Variants in TAF2 observed in about 807,000 individuals in gnomAD.
TAF2 encodes TATA-box binding protein associated factor 2, also known as transcription initiation factor TFIID subunit 2.
A neutral mutation model predicts 138.5 loss-of-function variants in TAF2; 61 were observed. The observed-to-expected ratio is 0.44, with a 90% confidence interval of 0.36 to 0.54. The LOEUF (loss-of-function observed/expected upper bound fraction) is 0.54. Ranked by LOEUF, TAF2 falls within the 20% of genes least tolerant of loss-of-function variation. The pLI is 0.00. For synonymous variants in TAF2, 475 were observed against 469.9 expected (o/e 1.01, Z -0.14); for missense variants, 1,090 against 1,427.9 (o/e 0.76, Z 3.81).
chr8:119,832,352 C>A, intron 1 of TAF2, 130 bp downstream of exon 1: 1 of 806,328 alleles, frequency 1.2e-6, no homozygotes. Context: ...AACACCATTT[C>A]CATCACAGTG....
intron 2 of TAF2, among the ~76,000 whole-genome samples, chr8:119,827,638 A>G (rs1826185334): frequency 6.6e-6 from 1 of 152,186 alleles, no homozygotes; most frequent in Admixed American, 6.5e-5. Context: ...TAATTAGTAG[A>G]CAATGTATCT....
chr8:119,830,340 G>A (rs1826367324), intron 2 of TAF2, among the ~76,000 whole-genome samples: 1 of 152,052 alleles, frequency 6.6e-6, no homozygotes, highest in Non-Finnish European at 1.5e-5. Flanking sequence ...ATATATTAAT[G>A]GCTAAATATA....
intron 25 of TAF2, among the ~76,000 whole-genome samples, chr8:119,738,663 G>C (rs1299979436): frequency 6.6e-6 from 1 of 152,060 alleles, no homozygotes; most frequent in Admixed American, 6.5e-5. Flanking sequence ...CATGGATAAG[G>C]GTTACCTGCA....
intron 18 of TAF2, among the ~76,000 whole-genome samples, chr8:119,769,904 C>G (rs951502279): frequency 6.6e-6 from 1 of 151,870 alleles, no homozygotes; most frequent in African/African-American, 2.4e-5. Context: ...ACTACAGGCA[C>G]GTGCCACCAT....
chr8:119,739,100 T>C (rs1031217650), intron 25 of TAF2, among the ~76,000 whole-genome samples: 3 of 150,776 alleles, frequency 2.0e-5, no homozygotes, highest in African/African-American at 7.3e-5. Flanking sequence ...ACTGCAGCCC[T>C]AGCTAGGCAG....
At chr8:119,783,763 T>G (rs1563872709) in intron 15 of TAF2, 130 bp from the exon 16 acceptor site, 1 of 1,119,028 alleles carries the variant, frequency 8.9e-7, no homozygotes, top group South Asian at 1.6e-5. Flanking sequence ...GCCTGGAGTT[T>G]TACTGTATTC....
At chr8:119,766,157 T>A (rs1194604875) in intron 18 of TAF2, among the ~76,000 whole-genome samples, 1 of 152,248 alleles carries the variant, frequency 6.6e-6, no homozygotes, top group Non-Finnish European at 1.5e-5. Flanking sequence ...CTTAGCGATT[T>A]AGGAATCTAT....
intron 6 of TAF2, among the ~76,000 whole-genome samples, chr8:119,800,466 T>C (rs1824178154): frequency 6.6e-6 from 1 of 152,208 alleles, no homozygotes; most frequent in South Asian, 2.1e-4. Flanking sequence ...ATGTGTGGTA[T>C]TATTTCTGAG....
rs144884113 is a variant in TAF2 at position 119,781,322 on chromosome 8, T to G, written c.2113-129A>C. 3,203 of 1,067,928 alleles carry G rather than the reference T, an allele frequency of 3.0e-3. 57 individuals are homozygous for G. The Admixed American group carries it at 0.035, about 12-fold the overall frequency. 66.2% of individuals were successfully genotyped at this position (1,067,928 alleles called of 1,614,324 possible). On this transcript the variant is annotated intron_variant, in intron 16 of 25. Transcript: ENST00000378164. ...TTCAACAACTTCACTTCTCAGAAAT[T>G]TATAACAATTTAGCATTTTATCACC...
intron 25 of TAF2, among the ~76,000 whole-genome samples, chr8:119,733,308 A>T (rs1449193730): frequency 6.6e-6 from 1 of 152,218 alleles, no homozygotes; most frequent in African/African-American, 2.4e-5. Flanking sequence ...CAGAATGCAC[A>T]GCTTAAGAAA....
At chr8:119,777,641 C>A (rs1333355858) in intron 18 of TAF2, among the ~76,000 whole-genome samples, 1 of 152,072 alleles carries the variant, frequency 6.6e-6, no homozygotes, top group Non-Finnish European at 1.5e-5. Flanking sequence ...ACAAGTTAAT[C>A]CCAATCGAGA....
At chr8:119,817,845 T>C (rs1280147652) in intron 3 of TAF2, among the ~76,000 whole-genome samples, 1 of 152,220 alleles carries the variant, frequency 6.6e-6, no homozygotes, top group Non-Finnish European at 1.5e-5. Context: ...CATTTATTAG[T>C]GTATACTAAC....
chr8:119,819,637 T>C (rs1353870132), intron 2 of TAF2, 131 bp from the exon 3 acceptor site: 4 of 717,794 alleles, frequency 5.6e-6, no homozygotes, highest in Admixed American at 2.1e-5. Flanking sequence ...TACATACATA[T>C]GCTCTCCAAG....
At chr8:119,787,302 A>G (rs1452544491) in intron 14 of TAF2, among the ~76,000 whole-genome samples, 1 of 152,130 alleles carries the variant, frequency 6.6e-6, no homozygotes, top group African/African-American at 2.4e-5. Flanking sequence ...ACATATATAC[A>G]TATGTAACTA....
chr8:119,763,679 G>A (rs1165911866), intron 18 of TAF2, among the ~76,000 whole-genome samples: 4 of 152,048 alleles, frequency 2.6e-5, no homozygotes, highest in African/African-American at 9.7e-5. Flanking sequence ...GCAGTGAGCC[G>A]AAATTGCACC....
At position 119,795,505 on chromosome 8, in the gene TAF2, GTGGATAAGGGA is replaced by G. The variant is rs749267503; in HGVS notation, c.1191+16_1191+26del. ...AAAATGGAGGACATAAGACTTGTAA[GTGGATAAGGGA>G]TCTAGCTGTTATTACCTCTTTAATC... On this transcript the variant is annotated intron_variant, in intron 9 of 25. Coordinates refer to ENST00000378164, the MANE Select transcript of TAF2 (RefSeq NM_003184.4). 2.6e-6 allele frequency: 4 copies of G among 1,565,596 alleles called. 1 individual carries two copies. In the South Asian group the frequency reaches 4.4e-5, roughly 17 times the overall value.
chr8:119,747,009 C>T lies in TAF2; in HGVS notation c.2879-75G>A, dbSNP rs1409090381. ...CATTTTAACTGTCCCAGAACCTGAA[C>T]AACAAAAGGAACTTTATAACTGGAA... On this transcript the variant is annotated intron_variant, in intron 22 of 25. Coordinates refer to ENST00000378164, the MANE Select transcript of TAF2 (RefSeq NM_003184.4). The T allele has an allele frequency of 3.4e-6, 5 of 1,468,176 alleles. No individual in the cohort carries two copies. In the Admixed American group the frequency reaches 5.5e-5, roughly 16 times the overall value. The allele number at this position is 1,468,176 out of a possible 1,614,324, so 90.9% of individuals were successfully genotyped here. A position where few individuals can be genotyped will look rare whatever the true frequency, so the allele number is the denominator to read the frequency against.
chr8:119,790,395 G>A (rs528778410), intron 11 of TAF2, among the ~76,000 whole-genome samples: 81 of 151,880 alleles, frequency 5.3e-4, no homozygotes, highest in Admixed American at 1.3e-3. Flanking sequence ...GGCCGTGACT[G>A]CACCACTGCA....
At chr8:119,831,032 A>T (rs1418177463) in intron 2 of TAF2, among the ~76,000 whole-genome samples, 2 of 152,108 alleles carry the variant, frequency 1.3e-5, no homozygotes, top group Non-Finnish European at 2.9e-5. Flanking sequence ...GCTTGAACCC[A>T]GGAGGTGGAG....
Sources: gnomAD v4.1 joint callset for allele counts (sites outside exome capture counted in the v4.1 genomes callset) on GRCh38, gnomAD v4.1.1 for gene constraint, MANE v1.5 for transcripts, NCBI Gene and HGNC (gene_info 2026-07-23, HGNC 2026-07-21) for gene names.